The following MOB3B variants were observed in gnomAD, a reference collection of about 807,000 sequenced individuals.
MOB3B encodes the protein MOB kinase activator 3B, also known as MOB kinase activator-like 2B.
A neutral mutation model predicts 18.7 loss-of-function variants in MOB3B; 7 were observed. That is an observed-to-expected ratio of 0.37 (90% CI 0.21 to 0.70). The LOEUF (loss-of-function observed/expected upper bound fraction) is 0.70, where lower values mean the gene tolerates loss of function less well. Ranked by LOEUF, MOB3B falls within the 30% of genes least tolerant of loss-of-function variation. MOB3B has a pLI of 0.52. For missense variants in MOB3B, 253 were observed against 281.3 expected, an observed-to-expected ratio of 0.90 and a Z score of 0.72; for synonymous variants, 111 against 99.9, an observed-to-expected ratio of 1.11 and a Z score of -0.66.
chr9:27,456,905 T>C (rs1419539247), intron 1 of MOB3B, among the ~76,000 whole-genome samples: 4 of 152,352 alleles, frequency 2.6e-5, no homozygotes, highest in African/African-American at 9.6e-5. Flanking sequence ...GCTACCACAC[T>C]GGATGGCACA....
At chr9:27,447,381 G>A (rs912412293) in intron 2 of MOB3B, among the ~76,000 whole-genome samples, 6 of 152,156 alleles carry the variant, frequency 3.9e-5, no homozygotes, top group Non-Finnish European at 7.3e-5. Flanking sequence ...GACAAATGAC[G>A]AATGGAATAA....
At chr9:27,498,131 C>T (rs1225429844) in intron 1 of MOB3B, among the ~76,000 whole-genome samples, 2 of 152,142 alleles carry the variant, frequency 1.3e-5, no homozygotes, top group Admixed American at 6.5e-5. Context: ...TGATTCCCAG[C>T]CCACAGAAAC....
rs369644218 is a variant in MOB3B, at chr9:27,342,808, G to A, written c.622-12192C>T. 3.3e-4 allele frequency among the ~76,000 whole-genome samples: 50 copies of A among 151,646 alleles called. 1 individual carries two copies. The East Asian group carries it at 4.2e-3, about 13-fold the overall frequency. On this transcript the variant is annotated intron_variant, in intron 3 of 3. Transcript: ENST00000262244. ...GCTGGAGTGCAGTGGCCTGATCTCC[G>A]CTCGCTACAACCTCCACCTCCCAGC...
chr9:27,439,655 A>G (rs1233945607), intron 2 of MOB3B, among the ~76,000 whole-genome samples: 1 of 152,148 alleles, frequency 6.6e-6, no homozygotes, highest in Non-Finnish European at 1.5e-5. Flanking sequence ...CAGAGAAGCA[A>G]AACCTTTTGC....
chr9:27,380,549 T>G (rs1821562351), intron 2 of MOB3B, among the ~76,000 whole-genome samples: 1 of 152,106 alleles, frequency 6.6e-6, no homozygotes, highest in South Asian at 2.1e-4. Context: ...GAGATAGGAA[T>G]TCCATACTAT....
intron 1 of MOB3B, among the ~76,000 whole-genome samples, chr9:27,511,746 T>C (rs900992089): frequency 6.6e-6 from 1 of 152,062 alleles, no homozygotes; most frequent in African/African-American, 2.4e-5. Context: ...TCCAGAAGGA[T>C]TTTTTTTCTT....
chr9:27,522,191 G>A (rs1820343095), intron 1 of MOB3B, among the ~76,000 whole-genome samples: 1 of 129,220 alleles, frequency 7.7e-6, no homozygotes, highest in Non-Finnish European at 1.6e-5. Flanking sequence ...GCAGTGAGCC[G>A]AGATCGCGCC....
rs568875345 is a variant in MOB3B at position 27,344,565 on chromosome 9, G to A, written c.622-13949C>T. ...CTGCAGTATACGTACAAAGGCTGTC[G>A]TAGCCGTCAGGGAAAGAGTGAGTTC... On this transcript the variant is annotated intron_variant, in intron 3 of 3. Transcript: ENST00000262244. 6.6e-5 allele frequency among the ~76,000 whole-genome samples: 10 copies of A among 152,334 alleles called. No individual in the cohort carries two copies. The East Asian group carries it at 1.7e-3, about 26-fold the overall frequency.
intron 1 of MOB3B, among the ~76,000 whole-genome samples, chr9:27,493,252 G>A (rs1242095641): frequency 6.6e-6 from 1 of 152,152 alleles, no homozygotes; most frequent in Non-Finnish European, 1.5e-5. Context: ...GAAGAACGTG[G>A]ATTGTGAAGA....
chr9:27,373,607 A>C (rs1821451568), intron 2 of MOB3B, among the ~76,000 whole-genome samples: 1 of 152,190 alleles, frequency 6.6e-6, no homozygotes, highest in Admixed American at 6.5e-5. Context: ...CCTACAATGA[A>C]AATTCTATAG....
chr9:27,424,336 T>C (rs1420910075), intron 2 of MOB3B, among the ~76,000 whole-genome samples: 2 of 152,234 alleles, frequency 1.3e-5, no homozygotes, highest in African/African-American at 2.4e-5. Flanking sequence ...AATGAAGCCA[T>C]GTCCCAAGAC....
intron 1 of MOB3B, among the ~76,000 whole-genome samples, chr9:27,469,085 C>A (rs1391450416): frequency 1.3e-5 from 2 of 152,116 alleles, no homozygotes; most frequent in African/African-American, 4.8e-5. Flanking sequence ...TAAAAATATA[C>A]CTCAGAGGAA....
chr9:27,340,006 C>A (rs1180509966), intron 3 of MOB3B, among the ~76,000 whole-genome samples: 1 of 152,232 alleles, frequency 6.6e-6, no homozygotes, highest in Admixed American at 6.5e-5. Flanking sequence ...CCAACCAGCA[C>A]ACAGGAATTA....
intron 2 of MOB3B, among the ~76,000 whole-genome samples, chr9:27,436,837 T>G (rs1478183866): frequency 6.6e-6 from 1 of 151,816 alleles, no homozygotes; most frequent in African/African-American, 2.4e-5. Flanking sequence ...TATTGGATGG[T>G]TAGAGGAGTC....
chr9:27,513,397 A>G (rs924442212), intron 1 of MOB3B, among the ~76,000 whole-genome samples: 2 of 152,048 alleles, frequency 1.3e-5, no homozygotes, highest in Non-Finnish European at 2.9e-5. Context: ...AGGCCCCCAA[A>G]GGGATCTCCT....
At chr9:27,354,446 C>T (rs79911162) in intron 3 of MOB3B, among the ~76,000 whole-genome samples, 1,676 of 152,264 alleles carry the variant, frequency 0.011, 34 homozygotes, top group African/African-American at 0.039. Flanking sequence ...GTTGAGGCCT[C>T]GTCTTTCTCT....
intron 3 of MOB3B, among the ~76,000 whole-genome samples, chr9:27,357,363 GT>G (rs1821208110): frequency 6.6e-6 from 1 of 151,192 alleles, no homozygotes; most frequent in African/African-American, 2.4e-5. Flanking sequence ...CCAATTCCTA[GT>G]GATGGTAAAC....
rs143699500 is a variant in MOB3B, at chr9:27,336,861, T to C, written c.622-6245A>G. Among the ~76,000 whole-genome samples the C allele has an allele frequency of 5.8e-3, 880 of 152,264 alleles. 7 individuals carry two copies. The highest frequency in any genetic ancestry group is 0.015 in the African/African-American group (641 of 41,562). ...TCTCCCCCAGCACCTTTTCCAATCA[T>C]GCAGCTTCATCAATACATTTTAAAG... On this transcript the variant is annotated intron_variant, in intron 3 of 3. Coordinates refer to ENST00000262244, the MANE Select transcript of MOB3B (RefSeq NM_024761.5).
At chr9:27,344,404 A>C (rs1587143584) in intron 3 of MOB3B, among the ~76,000 whole-genome samples, 2 of 152,340 alleles carry the variant, frequency 1.3e-5, no homozygotes, top group Admixed American at 1.3e-4. Context: ...TTAATGCAAA[A>C]TGCCAAGTAC....
Sources: allele counts gnomAD v4.1 joint callset (sites outside exome capture counted in the v4.1 genomes callset), GRCh38; gene constraint gnomAD v4.1.1; transcripts MANE v1.5; gene names NCBI Gene and HGNC (gene_info 2026-07-23, HGNC 2026-07-21).